PITPNC1: variants seen among roughly 807,000 people sequenced by gnomAD.
The protein encoded by PITPNC1 is phosphatidylinositol transfer protein cytoplasmic 1.
In PITPNC1, 18 loss-of-function variants were observed where a neutral mutation model predicts 44.7. The ratio of observed to expected loss-of-function variants is 0.40; its 90% CI spans 0.28 to 0.60. PITPNC1 has a LOEUF of 0.60. Ranked by LOEUF, PITPNC1 falls within the 20% of genes least tolerant of loss-of-function variation. The pLI, the probability that PITPNC1 is intolerant of heterozygous loss-of-function variation, is 0.39. For synonymous variants in PITPNC1, 141 were observed against 149.6 expected, an observed-to-expected ratio of 0.94 and a Z score of 0.42; for missense variants, 290 against 418.4, an observed-to-expected ratio of 0.69 and a Z score of 2.68.
chr17:67,667,714 G>C (rs1232465590), intron 6 of PITPNC1, among the ~76,000 whole-genome samples: 1 of 150,966 alleles, frequency 6.6e-6, no homozygotes, highest in Non-Finnish European at 1.5e-5. Flanking sequence ...GTTCATGCTT[G>C]TACTTTGGGA....
At chr17:67,528,856 C>A (rs368741240) in intron 1 of PITPNC1, among the ~76,000 whole-genome samples, 1 of 152,152 alleles carries the variant, frequency 6.6e-6, no homozygotes, top group Non-Finnish European at 1.5e-5. Context: ...CTCCCTCCCC[C>A]AAACGAGAAA....
intron 6 of PITPNC1, among the ~76,000 whole-genome samples, chr17:67,650,694 G>A (rs1245284824): frequency 2.0e-5 from 3 of 151,980 alleles, no homozygotes; most frequent in South Asian, 2.1e-4. Context: ...CAAAAGATCC[G>A]CCCTCCTTGG....
chr17:67,514,374 AT>A (rs1312864796), intron 1 of PITPNC1, among the ~76,000 whole-genome samples: 9 of 151,320 alleles, frequency 5.9e-5, no homozygotes, highest in East Asian at 2.0e-4. Context: ...TAATTTTTGT[AT>A]TTTTTAGTAG....
At chr17:67,481,286 G>T (rs563551536) in intron 1 of PITPNC1, among the ~76,000 whole-genome samples, 1 of 152,314 alleles carries the variant, frequency 6.6e-6, no homozygotes, top group South Asian at 2.1e-4. Flanking sequence ...ACAACTTGCC[G>T]TCTCAAGGCC....
At chr17:67,381,301 C>T (rs1426061208) in intron 1 of PITPNC1, among the ~76,000 whole-genome samples, 1 of 138,400 alleles carries the variant, frequency 7.2e-6, no homozygotes, top group Non-Finnish European at 1.5e-5. Flanking sequence ...GCACTCCAGC[C>T]TGGGCGACAG....
rs984219286 is a variant in PITPNC1 at position 67,597,904 on chromosome 17, C to T, written c.366+19647C>T. Reference sequence around the variant, plus strand: ...AGATCAGATGATAGAGAATGCAGCCCGAGATTTAAAGCAGTGACAGTAGAA... The same window carrying T: ...AGATCAGATGATAGAGAATGCAGCCTGAGATTTAAAGCAGTGACAGTAGAA... On this transcript the variant is annotated intron_variant, in intron 5 of 8. Transcript: ENST00000581322. The surrounding 1 kb of genome is among the most constrained non-coding windows in gnomAD (Gnocchi z 4.0). 6.6e-6 allele frequency among the ~76,000 whole-genome samples: 1 copy of T among 151,968 alleles called. No homozygotes were observed.
chr17:67,653,694 A>G (rs2042233543), intron 6 of PITPNC1, among the ~76,000 whole-genome samples: 1 of 144,498 alleles, frequency 6.9e-6, no homozygotes. Flanking sequence ...TGAAGCCTCC[A>G]AGGTGTTGCA....
chr17:67,395,356 C>T (rs1487196022), intron 1 of PITPNC1, among the ~76,000 whole-genome samples: 1 of 151,802 alleles, frequency 6.6e-6, no homozygotes, highest in Non-Finnish European at 1.5e-5. Flanking sequence ...GTTACATTGC[C>T]CAGGCTGGTC....
At position 67,413,401 on chromosome 17, in the gene PITPNC1, T is replaced by TTTTCTTTCTTTCTTTTTCTTTCTTTC. The variant is rs536413494; in HGVS notation, c.48+35214_48+35215insTTCTTTCTTTCTTTCTTTCTTTCTTT. On this transcript the variant is annotated intron_variant, in intron 1 of 8. Coordinates refer to ENST00000581322, the MANE Select transcript of PITPNC1 (RefSeq NM_012417.4). The stretch of plus-strand genomic sequence containing the variant: ...AAAAAGCACTTTATAATGTGCTTAA[T>TTTTCTTTCTTTCTTTTTCTTTCTTTC]TTTCTTTCTTTCTTTCTTTCTTTCT... 4.8e-5 allele frequency among the ~76,000 whole-genome samples: 7 copies of TTTTCTTTCTTTCTTTTTCTTTCTTTC among 145,510 alleles called. No homozygotes were observed. The East Asian group carries it at 1.2e-3, about 25-fold the overall frequency.
In PITPNC1 at chr17:67,599,001, CAT is replaced by C. The variant is rs1172990089; in HGVS notation, c.366+20777_366+20778del. On this transcript the variant is annotated intron_variant, in intron 5 of 8. Transcript: ENST00000581322. ...TCAGCCCCCAAAACTATAAGAAATA[CAT>C]ATATATATATATATATATATATATA... 1.4e-3 allele frequency among the ~76,000 whole-genome samples: 65 copies of C among 45,158 alleles called. 2 individuals are homozygous for C. Among genetic ancestry groups the C allele is most frequent in the East Asian group, 4.9e-3 (8 of 1,642 alleles). The allele number at this position is 45,158 out of a possible 152,430, so 29.6% of individuals were successfully genotyped here.
intron 1 of PITPNC1, among the ~76,000 whole-genome samples, chr17:67,495,300 C>T (rs1285457938): frequency 2.0e-5 from 3 of 151,894 alleles, no homozygotes; most frequent in African/African-American, 4.8e-5. Context: ...CCTCATGATC[C>T]GTCCGCCTCA....
intron 5 of PITPNC1, among the ~76,000 whole-genome samples, chr17:67,626,382 T>C (rs185814718): frequency 6.6e-6 from 1 of 152,258 alleles, no homozygotes; most frequent in East Asian, 1.9e-4. Context: ...AATTTACTTA[T>C]TTATTTGAGA....
At chr17:67,578,292 C>T (rs370990541) in intron 5 of PITPNC1, 35 bp downstream of exon 5, 9 of 1,445,666 alleles carry the variant, frequency 6.2e-6, no homozygotes, top group African/African-American at 1.4e-5. Context: ...GCGCTCGCCT[C>T]GTGGGCTCTG....
At chr17:67,675,450 T>C in intron 7 of PITPNC1, 29 bp from the exon 8 acceptor site, 1 of 1,488,492 alleles carries the variant, frequency 6.7e-7, no homozygotes, top group Non-Finnish European at 9.4e-7. Context: ...AAGATGCTAT[T>C]ATTTCAGTCT....
intron 1 of PITPNC1, among the ~76,000 whole-genome samples, chr17:67,461,905 G>A (rs534730004): frequency 1.3e-5 from 2 of 152,290 alleles, no homozygotes; most frequent in Non-Finnish European, 1.5e-5. Flanking sequence ...TCTGAAGCCT[G>A]GACTATTTGA....
chr17:67,402,412 C>G (rs2038329785), intron 1 of PITPNC1, among the ~76,000 whole-genome samples: 1 of 152,152 alleles, frequency 6.6e-6, no homozygotes, highest in Non-Finnish European at 1.5e-5. Flanking sequence ...TCAGCTTTAA[C>G]ACTAGCACTG....
intron 4 of PITPNC1, among the ~76,000 whole-genome samples, chr17:67,564,773 T>G (rs188499853): frequency 2.5e-3 from 375 of 152,306 alleles, no homozygotes; most frequent in Middle Eastern, 0.01. Context: ...CATTGATGTA[T>G]TCACTCATTT....
chr17:67,500,108 C>A (rs2040006537), intron 1 of PITPNC1, among the ~76,000 whole-genome samples: 1 of 152,188 alleles, frequency 6.6e-6, no homozygotes, highest in African/African-American at 2.4e-5. Context: ...GATGGTTAAT[C>A]ATTTTAAACA....
chr17:67,421,214 G>A (rs1277376925), intron 1 of PITPNC1, among the ~76,000 whole-genome samples: 1 of 152,200 alleles, frequency 6.6e-6, no homozygotes, highest in African/African-American at 2.4e-5. Context: ...CACACATACA[G>A]CTCATATAGA....
Sources: allele counts gnomAD v4.1 joint callset (sites outside exome capture counted in the v4.1 genomes callset), GRCh38; gene constraint gnomAD v4.1.1; non-coding constraint Gnocchi (gnomAD v3.1); transcripts MANE v1.5; gene names NCBI Gene and HGNC (gene_info 2026-07-23, HGNC 2026-07-21).